Variants in LMLN observed in about 807,000 individuals in gnomAD.
LMLN encodes the protein leishmanolysin like peptidase, also known as leishmanolysin-like peptidase.
LMLN carries 70 observed loss-of-function variants against 92.3 expected under a neutral mutation model. The observed-to-expected ratio is 0.76, with a 90% CI of 0.63 to 0.92. LMLN has a LOEUF of 0.92. Among genes scored for constraint, LMLN ranks in the 40% least tolerant of loss-of-function variants. The probability of loss-of-function intolerance (pLI) is 0.00; values close to 1 mark genes in which losing one functional copy is unlikely to be tolerated. For synonymous variants in LMLN, 308 were observed against 296.2 expected, an observed-to-expected ratio of 1.04 and a Z score of -0.41; for missense variants, 691 against 814.6, an observed-to-expected ratio of 0.85 and a Z score of 1.85.
At position 197,963,871 on chromosome 3, in the gene LMLN, A is replaced by G. The variant is rs911798282; in HGVS notation, c.219+3431A>G. The stretch of plus-strand genomic sequence containing the variant: ...GCCATTTGTTCCTGATCTTAGGACC[A>G]GTCTCTGACCATTAAGTATGATGTT... On this transcript the variant is annotated intron_variant, in intron 1 of 15. Transcript: ENST00000330198. Among the ~76,000 whole-genome samples the G allele has an allele frequency of 5.3e-5, 8 of 152,362 alleles. No homozygotes were observed. The East Asian group carries it at 1.5e-3, about 29-fold the overall frequency.
At chr3:197,974,562 C>A in intron 2 of LMLN, 88 bp downstream of exon 2, 1 of 682,402 alleles carries the variant, frequency 1.5e-6, no homozygotes, top group Non-Finnish European at 2.4e-6. Flanking sequence ...TCTAAGAATC[C>A]ATAGATAAAA....
At chr3:197,976,072 T>C (rs1721369709) in exon 4 of LMLN, 1 of 1,608,918 alleles carries the variant, frequency 6.2e-7, no homozygotes, top group Non-Finnish European at 8.5e-7. Flanking sequence ...GAGAAGACTT[T>C]TCAGGTCCGT....
intron 14 of LMLN, among the ~76,000 whole-genome samples, chr3:198,026,240 G>A (rs1722928685): frequency 6.6e-6 from 1 of 152,066 alleles, no homozygotes; most frequent in African/African-American, 2.4e-5. Context: ...ACAGACATGA[G>A]CCACTTTGCC....
intron 14 of LMLN, among the ~76,000 whole-genome samples, chr3:198,029,119 G>A (rs1723010764): frequency 6.6e-6 from 1 of 152,166 alleles, no homozygotes; most frequent in Non-Finnish European, 1.5e-5. Flanking sequence ...TTAGAAACCA[G>A]AATGATCATT....
At chr3:198,035,741 T>G in intron 14 of LMLN, 92 bp from the exon 16 acceptor site, 1 of 971,638 alleles carries the variant, frequency 1.0e-6, no homozygotes, top group Admixed American at 2.5e-5. Flanking sequence ...TAAGTTTTAA[T>G]ATATTTTCCT....
chr3:197,984,033 G>C, exon 7 of LMLN: 1 of 1,607,600 alleles, frequency 6.2e-7, no homozygotes, highest in South Asian at 1.1e-5. Context: ...TGAAACATGA[G>C]GTTATTCATG....
At chr3:197,980,977 C>T (rs1256884806) in intron 6 of LMLN, among the ~76,000 whole-genome samples, 1 of 152,086 alleles carries the variant, frequency 6.6e-6, no homozygotes, top group African/African-American at 2.4e-5. Flanking sequence ...GTGGCATGCA[C>T]CCGTGGTCCC....
At chr3:198,014,451 G>A (rs1581169645) in intron 11 of LMLN, among the ~76,000 whole-genome samples, 6 of 119,486 alleles carry the variant, frequency 5.0e-5, no homozygotes, top group Admixed American at 8.2e-5. Flanking sequence ...TAACTAGTCT[G>A]ACTTCTCTCC....
At chr3:197,973,791 C>T (rs1296702384) in intron 1 of LMLN, among the ~76,000 whole-genome samples, 1 of 152,110 alleles carries the variant, frequency 6.6e-6, no homozygotes, top group Non-Finnish European at 1.5e-5. Flanking sequence ...ATGTGGTTGT[C>T]CATTGCTGGA....
intron 9 of LMLN, among the ~76,000 whole-genome samples, chr3:197,990,905 T>G (rs1207112104): frequency 6.6e-6 from 1 of 152,156 alleles, no homozygotes; most frequent in Non-Finnish European, 1.5e-5. Context: ...GGCCAGTGCC[T>G]CCTCTGTTGT....
At chr3:198,037,870 T>C (rs569040426) in intron 15 of LMLN, among the ~76,000 whole-genome samples, 20 of 152,336 alleles carry the variant, frequency 1.3e-4, no homozygotes, top group Admixed American at 7.8e-4. Flanking sequence ...ATTGGTGATA[T>C]GAATGTATGG....
intron 11 of LMLN, among the ~76,000 whole-genome samples, chr3:198,007,059 G>A (rs1019385295): frequency 7.2e-6 from 1 of 138,702 alleles, no homozygotes; most frequent in African/African-American, 3.3e-5. Context: ...AGTTCTTCAT[G>A]TATTTTGGGT....
intron 7 of LMLN, 23 bp from the exon 8 acceptor site, chr3:197,985,773 A>G (rs554912303): frequency 2.0e-6 from 3 of 1,510,926 alleles, no homozygotes; most frequent in South Asian, 1.1e-5. Context: ...TCACTTGAAG[A>G]CATTTTGAAC....
intron 1 of LMLN, among the ~76,000 whole-genome samples, chr3:197,970,572 A>G (rs946454269): frequency 2.0e-5 from 3 of 152,222 alleles, no homozygotes; most frequent in African/African-American, 7.2e-5. Flanking sequence ...CTTAGAGTCC[A>G]GGGTTTTTAT....
chr3:198,025,388 T>G lies in LMLN; in HGVS notation c.1656+600T>G, dbSNP rs1211673619. On this transcript the variant is annotated intron_variant, in intron 14 of 15. Coordinates refer to ENST00000330198, the Ensembl canonical transcript of LMLN. The surrounding 1 kb of genome is among the most constrained non-coding windows in gnomAD (Gnocchi z 4.3). ...TTTTTTTCCTTTTTCTTTTTCTTTT[T>G]TTTGAGACAAGGTCTTGCTCTGTCA... is the stretch of plus-strand genomic sequence containing the variant. 6.6e-6 allele frequency among the ~76,000 whole-genome samples: 1 copy of G among 152,226 alleles called. No homozygotes were observed. Among genetic ancestry groups the G allele is most frequent in the East Asian group, 1.9e-4 (1 of 5,202 alleles).
At chr3:197,963,201 C>CTTTTTTTTTT (rs59827521) in intron 1 of LMLN, among the ~76,000 whole-genome samples, 1 of 144,036 alleles carries the variant, frequency 6.9e-6, no homozygotes, top group African/African-American at 2.6e-5. Flanking sequence ...TTTTCTCTCT[C>CTTTTTTTTTT]TTTTTTTTTT....
chr3:198,031,084 T>G lies in LMLN; in HGVS notation c.1657-4749T>G, dbSNP rs1024955443. On this transcript the variant is annotated intron_variant, in intron 14 of 15. Transcript: ENST00000330198. This position sits in a 1 kb window ranked among gnomAD's most constrained non-coding sequence, Gnocchi z 4.8. Reference sequence around the variant, plus strand: ...GAGAATGAAATAGGCATAAGCCCGATGAACAGGAGGAAAACATACACATTT... The same window carrying G: ...GAGAATGAAATAGGCATAAGCCCGAGGAACAGGAGGAAAACATACACATTT... Among the ~76,000 whole-genome samples, 1 of 152,164 alleles carries G rather than the reference T, an allele frequency of 6.6e-6. No individual in the cohort carries two copies. Among genetic ancestry groups the G allele is most frequent in the African/African-American group, 2.4e-5 (1 of 41,442 alleles).
chr3:198,010,313 C>G (rs914809231), intron 11 of LMLN, among the ~76,000 whole-genome samples: 108 of 152,192 alleles, frequency 7.1e-4, no homozygotes, highest in African/African-American at 2.5e-3. Context: ...ACCACCACAC[C>G]CCGCTAATTT....
intron 11 of LMLN, among the ~76,000 whole-genome samples, chr3:198,012,875 T>G (rs1722491425): frequency 7.5e-6 from 1 of 134,136 alleles, no homozygotes; most frequent in Non-Finnish European, 1.5e-5. Flanking sequence ...CTCTGTACCC[T>G]TCAGAGTCCC....
Sources: allele counts gnomAD v4.1 joint callset (sites outside exome capture counted in the v4.1 genomes callset), GRCh38; gene constraint gnomAD v4.1.1; non-coding constraint Gnocchi (gnomAD v3.1); transcripts MANE v1.5; gene names NCBI Gene and HGNC (gene_info 2026-07-23, HGNC 2026-07-21).